Variants in CAMK1G observed in about 807,000 individuals in gnomAD.
The protein encoded by CAMK1G is calcium/calmodulin-dependent protein kinase type 1G.
Under a neutral mutation model 54.8 loss-of-function variants are expected in CAMK1G, and 27 were observed. The observed-to-expected ratio is 0.49, with a 90% confidence interval of 0.36 to 0.68. The LOEUF (loss-of-function observed/expected upper bound fraction) is 0.68. CAMK1G is among the 30% of genes least tolerant of loss of function. CAMK1G has a pLI of 0.00. For missense variants in CAMK1G, 512 were observed against 591.0 expected, an observed-to-expected ratio of 0.87 and a Z score of 1.39; for synonymous variants, 238 against 224.9, an observed-to-expected ratio of 1.06 and a Z score of -0.52.
intron 9 of CAMK1G, 66 bp from the exon 10 acceptor site, chr1:209,611,399 C>A: frequency 6.8e-7 from 1 of 1,467,324 alleles, no homozygotes; most frequent in East Asian, 2.3e-5. Context: ...TGCAGGCACC[C>A]TGCCCACTCC....
Position 209,612,234 on chromosome 1 carries a change from A to C in CAMK1G, c.1340+18A>C. ...AAAAAACAGTACGTATTTTTAGCCAAAGATGGAGCCCCAGCTTGGGTCTGA... is the reference window on the plus strand; with the variant it reads ...AAAAAACAGTACGTATTTTTAGCCACAGATGGAGCCCCAGCTTGGGTCTGA... On this transcript the variant is annotated intron_variant, in intron 11 of 12. Transcript: ENST00000361322. 6.2e-7 allele frequency: 1 copy of C among 1,609,146 alleles called. No homozygotes were observed. The highest frequency in any genetic ancestry group is 1.1e-5 in the South Asian group (1 of 90,932).
chr1:209,611,857 G>C lies in CAMK1G; in HGVS notation c.981G>C (p.Pro327=). 6.2e-7 allele frequency: 1 copy of C among 1,614,202 alleles called. No individual in the cohort carries two copies. Among genetic ancestry groups the C allele is most frequent in the Non-Finnish European group, 8.5e-7 (1 of 1,180,048 alleles). The change falls in exon 11 of 13, where the codon CCG becomes CCC. Residue 327 remains proline (P), a synonymous_variant. Transcript: ENST00000361322. ...AGCTACACATGAACCTGCACAGCCC[G>C]GGCGTCCGCCCAGAGGTGGAGAACA... ...MRKLHMNLHS[P]GVRPEVENRP... is the part of the protein sequence containing the mutation.
chr1:209,604,996 C>T (rs1026414456), intron 4 of CAMK1G, among the ~76,000 whole-genome samples: 1 of 152,076 alleles, frequency 6.6e-6, no homozygotes, highest in Admixed American at 6.5e-5. Context: ...TTTAAGCTCC[C>T]CTGGGTCCTA....
chr1:209,584,974 G>A (rs1430835178), intron 1 of CAMK1G, among the ~76,000 whole-genome samples: 3 of 152,166 alleles, frequency 2.0e-5, no homozygotes, highest in Non-Finnish European at 4.4e-5. Context: ...AGATGGTGTG[G>A]CATGTATTAT....
intron 3 of CAMK1G, among the ~76,000 whole-genome samples, chr1:209,602,892 C>T (rs1375199702): frequency 6.6e-6 from 1 of 152,132 alleles, no homozygotes; most frequent in Admixed American, 6.5e-5. Context: ...GTGTTGGGTA[C>T]TCCCTTAGCC....
chr1:209,600,866 G>A (rs1571780025), intron 3 of CAMK1G, among the ~76,000 whole-genome samples: 1 of 152,242 alleles, frequency 6.6e-6, no homozygotes, highest in East Asian at 1.9e-4. Context: ...TGCAGAAAGG[G>A]AATTCAGGCC....
chr1:209,597,846 C>G lies in CAMK1G; in HGVS notation c.93-2137C>G, dbSNP rs372064242. ...TTTCCTTACTTAGATTCTCTCTCCT[C>G]TTGTACTACTGGGTGTTCTTCATAA... On this transcript the variant is annotated intron_variant, in intron 2 of 12. Coordinates refer to ENST00000361322, the MANE Select transcript of CAMK1G (RefSeq NM_020439.3). 3.9e-5 allele frequency among the ~76,000 whole-genome samples: 6 copies of G among 152,328 alleles called. No individual in the cohort carries two copies. In the East Asian group the frequency reaches 7.7e-4, roughly 20 times the overall value.
chr1:209,612,122 T>C lies in CAMK1G; in HGVS notation c.1246T>C (p.Cys416Arg), dbSNP rs750404048. ...MHQGSLAAGP[C>R]GCCSSCLNIG... ...TCAGGGGTCCCTGGCCGCCGGGCCC[T>C]GTGGCTGCTGCTCCAGCTGCCTGAA... Residue 416 changes from cysteine to arginine, a missense_variant, in exon 11 of 13, where the codon TGT (cysteine) becomes CGT (arginine). This residue lies in a region of CAMK1G where 315 missense variants were observed against 330.5 expected (regional missense o/e 0.95). Transcript: ENST00000361322. The C allele has an allele frequency of 1.2e-6, 2 of 1,614,106 alleles. No individual in the cohort carries two copies. The highest frequency in any genetic ancestry group is 1.7e-6 in the Non-Finnish European group (2 of 1,179,936).
chr1:209,609,077 G>C lies in CAMK1G; in HGVS notation c.733G>C (p.Asp245His). The C allele has an allele frequency of 6.2e-7, 1 of 1,614,156 alleles. No individual in the cohort carries two copies. The highest frequency in any genetic ancestry group is 8.5e-7 in the Non-Finnish European group (1 of 1,180,008). The change falls in exon 8 of 13, where the codon GAC becomes CAC. Residue 245 changes from aspartate (D) to histidine (H), a missense_variant. Coordinates refer to ENST00000361322, the MANE Select transcript of CAMK1G (RefSeq NM_020439.3). ...TGAGTTTGAGTCTCCATTCTGGGATGACATTTCTGAGTCAGGTAAGGCCAG... is the reference window on the plus strand; with the variant it reads ...TGAGTTTGAGTCTCCATTCTGGGATCACATTTCTGAGTCAGGTAAGGCCAG... ...YYEFESPFWD[D>H]ISESAKDFIC...
At chr1:209,600,283 A>G (rs536075412) in intron 3 of CAMK1G, among the ~76,000 whole-genome samples, 172 bp downstream of exon 3, 8 of 129,162 alleles carry the variant, frequency 6.2e-5, no homozygotes, top group Non-Finnish European at 1.0e-4. Flanking sequence ...CAGCTGTCCT[A>G]GCTGATTTTT....
intron 4 of CAMK1G, 42 bp from the exon 5 acceptor site, chr1:209,605,494 T>C: frequency 6.3e-7 from 1 of 1,597,200 alleles, no homozygotes; most frequent in Non-Finnish European, 8.6e-7. Context: ...TTACTTTGAG[T>C]GAAATGAGAA....
chr1:209,600,128 G>C lies in CAMK1G; in HGVS notation c.221+17G>C. Reference sequence around the variant, plus strand: ...GTTGAAAAAGTGAGTGGGTCTTAGTGTTGACTGGATCACTATGGGATCACA... The same window carrying C: ...GTTGAAAAAGTGAGTGGGTCTTAGTCTTGACTGGATCACTATGGGATCACA... On this transcript the variant is annotated intron_variant, in intron 3 of 12. Coordinates refer to ENST00000361322, the MANE Select transcript of CAMK1G (RefSeq NM_020439.3). The C allele has an allele frequency of 1.2e-6, 2 of 1,611,744 alleles. No homozygotes were observed. The highest frequency in any genetic ancestry group is 1.7e-6 in the Non-Finnish European group (2 of 1,179,288).
At position 209,611,536 on chromosome 1, in the gene CAMK1G, C is replaced by T; in HGVS notation, c.899C>T (p.Ala300Val). The part of the protein sequence containing the change: ...SVSLQIQKNF[A>V]KSKWRQAFNA... Reference sequence around the variant, plus strand: ...AGCCTCCAGATCCAGAAGAACTTTGCTAAGAGCAAGTGGAGGGTAAGCTGT... The same window carrying T: ...AGCCTCCAGATCCAGAAGAACTTTGTTAAGAGCAAGTGGAGGGTAAGCTGT... The change falls in exon 10 of 13, where the codon GCT becomes GTT. Residue 300 changes from alanine (A) to valine (V), a missense_variant. Physicochemically the swap from Ala to Val is moderately conservative, Grantham distance 64. Around this residue, in one of 3 missense-constraint regions of CAMK1G, gnomAD observed 315 missense variants for 330.5 expected, o/e 0.95. Coordinates refer to ENST00000361322, the MANE Select transcript of CAMK1G (RefSeq NM_020439.3). The T allele has an allele frequency of 1.2e-6, 2 of 1,613,954 alleles. No homozygotes were observed.
chr1:209,612,823 G>A lies in CAMK1G; in HGVS notation c.1379G>A (p.Ser460Asn). The change falls in exon 12 of 13, where the codon AGT becomes AAT. Residue 460 changes from serine (S) to asparagine (N), a missense_variant. Transcript: ENST00000361322. ...KSEVMVPVKA[S>N]GSSHCRAGQT... is the part of the protein sequence containing the mutation. ...GAGGTCATGGTACCAGTTAAAGCCAGTGGCAGCTCCCACTGCCGGGCAGGG... is the reference window on the plus strand; with the variant it reads ...GAGGTCATGGTACCAGTTAAAGCCAATGGCAGCTCCCACTGCCGGGCAGGG... The A allele has an allele frequency of 6.2e-7, 1 of 1,614,144 alleles. No individual in the cohort carries two copies. Among genetic ancestry groups the A allele is most frequent in the Non-Finnish European group, 8.5e-7 (1 of 1,180,012 alleles).
chr1:209,608,580 C>T (rs1275605894), intron 7 of CAMK1G, among the ~76,000 whole-genome samples: 1 of 152,188 alleles, frequency 6.6e-6, no homozygotes, highest in Non-Finnish European at 1.5e-5. Context: ...TGCATCTATC[C>T]CTGTGCTAGG....
chr1:209,611,921 A>G lies in CAMK1G; in HGVS notation c.1045A>G (p.Ser349Gly), dbSNP rs1055555041. The stretch of plus-strand genomic sequence containing the variant: ...TCAAGCCTCAGAAACCTCTAGACCC[A>G]GCTCCCCTGAGATCACCATCACCGA... ...ETQASETSRP[S>G]SPEITITEAP... Residue 349 changes from serine to glycine, a missense_variant, in exon 11 of 13, where the codon AGC becomes GGC. Ser to Gly is a moderately conservative substitution (Grantham distance 56). Around this residue, in one of 3 missense-constraint regions of CAMK1G, gnomAD observed 315 missense variants for 330.5 expected, o/e 0.95. Transcript: ENST00000361322. The G allele has an allele frequency of 3.7e-6, 6 of 1,614,118 alleles. No homozygotes were observed. The highest frequency in any genetic ancestry group is 3.3e-5 in the Admixed American group (2 of 60,016).
At chr1:209,605,139 T>C (rs1277765725) in intron 4 of CAMK1G, among the ~76,000 whole-genome samples, 1 of 152,196 alleles carries the variant, frequency 6.6e-6, no homozygotes, top group East Asian at 1.9e-4. Context: ...GCATGCCTTC[T>C]CTTTCCTACT....
At chr1:209,600,509 C>T (rs1273151861) in intron 3 of CAMK1G, among the ~76,000 whole-genome samples, 1 of 152,176 alleles carries the variant, frequency 6.6e-6, no homozygotes, top group Non-Finnish European at 1.5e-5. Context: ...TTGATGAAGG[C>T]AACACTACAA....
rs149178157 is a variant in CAMK1G, at chr1:209,597,258, A to G, written c.92+2183A>G. On this transcript the variant is annotated intron_variant, in intron 2 of 12. Coordinates refer to ENST00000361322, the MANE Select transcript of CAMK1G (RefSeq NM_020439.3). Reference sequence around the variant, plus strand: ...AACATGTATGATGGCTTCAAGGTGAATGGCACCTGCTGAAGTTGTTGCACT... The same window carrying G: ...AACATGTATGATGGCTTCAAGGTGAGTGGCACCTGCTGAAGTTGTTGCACT... Among the ~76,000 whole-genome samples the G allele has an allele frequency of 1.6e-3, 242 of 152,338 alleles. 1 individual carries two copies. The highest frequency in any genetic ancestry group is 5.3e-3 in the African/African-American group (220 of 41,572).
Sources: gnomAD v4.1 joint callset for allele counts (sites outside exome capture counted in the v4.1 genomes callset) on GRCh38, gnomAD v4.1.1 for gene constraint, gnomAD v4.1.1 regional missense constraint, MANE v1.5 for transcripts, NCBI Gene and HGNC (gene_info 2026-07-23, HGNC 2026-07-21) for gene names.